Variants in BRI3BP observed in about 807,000 individuals in gnomAD.
The protein encoded by BRI3BP is BRI3-binding protein.
Under a neutral mutation model 15.8 loss-of-function variants are expected in BRI3BP, and 7 were observed. The ratio of observed to expected loss-of-function variants is 0.44; its 90% CI spans 0.25 to 0.83. The LOEUF is 0.83. Among genes scored for constraint, BRI3BP ranks in the 40% least tolerant of loss-of-function variants. BRI3BP has a pLI of 0.20. For synonymous variants in BRI3BP, 192 were observed against 163.5 expected (o/e 1.17, Z -1.33); for missense variants, 320 against 339.3 (o/e 0.94, Z 0.45).
Position 125,025,049 on chromosome 12 carries a change from G to C in BRI3BP, c.375G>C (p.Ala125=), listed in dbSNP as rs148877847. The C allele has an allele frequency of 1.9e-6, 3 of 1,613,348 alleles. No homozygotes were observed. Among genetic ancestry groups the C allele is most frequent in the Non-Finnish European group, 1.7e-6 (2 of 1,179,990 alleles). Residue 125 remains alanine, a synonymous_variant, in exon 3 of 3, where the codon GCG becomes GCC. Coordinates refer to ENST00000341446, the MANE Select transcript of BRI3BP (RefSeq NM_080626.6). ...CGGTGTCCAGCAGCCCGGCCCGCGC[G>C]CTCCTGCTGGTCGGCGTCGTCCTCC... is the stretch of plus-strand genomic sequence containing the variant. ...PASVSSSPAR[A]LLLVGVVLLA... is the part of the protein sequence containing the mutation.
chr12:125,015,884 C>T (rs1955238271), intron 2 of BRI3BP, among the ~76,000 whole-genome samples: 1 of 152,224 alleles, frequency 6.6e-6, no homozygotes, highest in East Asian at 1.9e-4. Context: ...GCACCCTCCC[C>T]CAGATGCAGC....
At chr12:125,044,438 C>T in the BRI3BP span, among the ~76,000 whole-genome samples, 10 of 148,198 alleles carry the variant, frequency 6.7e-5, no homozygotes, top group Admixed American at 7.0e-4. Context: ...TGTGAGTCAC[C>T]ATGCCCGGCC....
the BRI3BP span, among the ~76,000 whole-genome samples, chr12:125,047,522 AGTGCAGTG>A: frequency 3.4e-5 from 5 of 148,064 alleles, no homozygotes; most frequent in Admixed American, 2.7e-4. Context: ...CCCAGGCTGG[AGTGCAGTG>A]GTGCAGTGGT....
At chr12:125,013,893 T>C (rs1329103555) in intron 2 of BRI3BP, among the ~76,000 whole-genome samples, 29 of 151,920 alleles carry the variant, frequency 1.9e-4, no homozygotes, top group Admixed American at 1.9e-3. Context: ...GCAGCAACGG[T>C]CATGGTAACT....
chr12:124,993,705 C>A lies in BRI3BP; in HGVS notation c.-86C>A. 1.3e-6 allele frequency: 1 copy of A among 785,658 alleles called. No individual in the cohort carries two copies. The highest frequency in any genetic ancestry group is 1.5e-6 in the Non-Finnish European group (1 of 649,334). The allele number at this position is 785,658 out of a possible 1,614,324, so 48.7% of individuals were successfully genotyped here. ...AGGCGCGGCGCGCGGCCCCCGAGCGCGCCAACCTTGCCCTAGCCGGAGCCC... is the reference window on the plus strand; with the variant it reads ...AGGCGCGGCGCGCGGCCCCCGAGCGAGCCAACCTTGCCCTAGCCGGAGCCC... On this transcript the variant is annotated 5_prime_UTR_variant, in exon 1 of 3. Coordinates refer to ENST00000341446, the MANE Select transcript of BRI3BP (RefSeq NM_080626.6).
chr12:125,018,951 C>G (rs574535739), intron 2 of BRI3BP, among the ~76,000 whole-genome samples: 18 of 152,114 alleles, frequency 1.2e-4, no homozygotes, highest in African/African-American at 4.1e-4. Context: ...CTCCGCCTCC[C>G]GGGTTCAAGC....
At chr12:125,018,630 A>G (rs1594535802) in intron 2 of BRI3BP, among the ~76,000 whole-genome samples, 1 of 150,750 alleles carries the variant, frequency 6.6e-6, no homozygotes, top group African/African-American at 2.4e-5. Flanking sequence ...CTGTTCACAG[A>G]CTTCCAGCCT....
chr12:124,994,367 T>C lies in BRI3BP; in HGVS notation c.213+364T>C, dbSNP rs1165666511. Among the ~76,000 whole-genome samples, 4 of 152,230 alleles carry C rather than the reference T, an allele frequency of 2.6e-5. No homozygotes were observed. In the East Asian group the frequency reaches 7.7e-4, roughly 29 times the overall value. On this transcript the variant is annotated intron_variant, in intron 1 of 2. Transcript: ENST00000341446. The stretch of plus-strand genomic sequence containing the variant: ...TGTGAGCCAGGCAGCACACTGGCGC[T>C]CTCGGTCCCCACGCGGCTGCGCCCT...
chr12:125,003,144 G>T (rs1955110213), intron 1 of BRI3BP, among the ~76,000 whole-genome samples: 1 of 152,218 alleles, frequency 6.6e-6, no homozygotes, highest in Non-Finnish European at 1.5e-5. Context: ...TGCTTATCAA[G>T]ATGCCTTTGC....
intron 1 of BRI3BP, among the ~76,000 whole-genome samples, chr12:125,006,097 C>T (rs751530785): frequency 1.3e-5 from 2 of 152,028 alleles, no homozygotes; most frequent in Non-Finnish European, 1.5e-5. Context: ...CCAGTCGCAT[C>T]GGATTAGGGC....
chr12:124,998,059 C>A (rs551125240), intron 1 of BRI3BP, among the ~76,000 whole-genome samples: 1 of 151,292 alleles, frequency 6.6e-6, no homozygotes, highest in Admixed American at 6.6e-5. Context: ...GGGAGGCGGC[C>A]GTTGCAGTGA....
chr12:125,032,524 C>G (rs2136004613), downstream of BRI3BP, among the ~76,000 whole-genome samples: 1 of 152,098 alleles, frequency 6.6e-6, no homozygotes, highest in Middle Eastern at 3.4e-3. Flanking sequence ...CATCCCAGCA[C>G]TGGGAGGCCA....
intron 1 of BRI3BP, among the ~76,000 whole-genome samples, chr12:125,009,420 G>T (rs543433797): frequency 1.1e-3 from 161 of 149,994 alleles, no homozygotes; most frequent in Non-Finnish European, 1.9e-3. Context: ...CTCCCAAGTA[G>T]CTGGGATTAC....
the BRI3BP span, among the ~76,000 whole-genome samples, chr12:125,044,235 C>T: frequency 6.8e-3 from 1,030 of 152,098 alleles, 13 homozygotes; most frequent in African/African-American, 0.024. Flanking sequence ...TCACTGCAAC[C>T]GCCAGCTCCC....
chr12:125,019,635 C>CTTTTTTTTTTTTTTTTT (rs1205730966), intron 2 of BRI3BP, among the ~76,000 whole-genome samples: 1 of 33,056 alleles, frequency 3.0e-5, no homozygotes, highest in Non-Finnish European at 7.3e-5. Context: ...TAATTCCACC[C>CTTTTTTTTTTTTTTTTT]TTTTTTTTTT....
At chr12:125,002,506 G>C (rs544299343) in intron 1 of BRI3BP, among the ~76,000 whole-genome samples, 2 of 150,744 alleles carry the variant, frequency 1.3e-5, no homozygotes, top group African/African-American at 4.9e-5. Flanking sequence ...TGCCAGGCTG[G>C]AGTGCAGTGG....
rs1955343426 is a variant in BRI3BP, at chr12:125,025,354, T to TG, written c.682dup (p.Glu228GlyfsTer68). The TG allele has an allele frequency of 6.2e-7, 1 of 1,612,696 alleles. No individual in the cohort carries two copies. The highest frequency in any genetic ancestry group is 8.5e-7 in the Non-Finnish European group (1 of 1,179,628). On this transcript the variant is annotated frameshift_variant, in exon 3 of 3. Transcript: ENST00000341446. LOFTEE classifies it high-confidence loss of function. ...AGCGTGGAGGAGAAGCTGGAGCACC[T>TG]GGAGAAGCAGGTCAGACTGCTCAAC...
intron 1 of BRI3BP, among the ~76,000 whole-genome samples, chr12:125,009,629 G>GGT (rs752828235): frequency 0.16 from 20,934 of 132,978 alleles, 1,535 homozygotes; most frequent in Admixed American, 0.19. Flanking sequence ...TGGGGGGGGG[G>GGT]TCTCATTTTG....
rs1955389180 is a variant in BRI3BP, at chr12:125,029,478, A to T, written c.*4048A>T. On this transcript the variant is annotated 3_prime_UTR_variant, in exon 3 of 3. Coordinates refer to ENST00000341446, the MANE Select transcript of BRI3BP (RefSeq NM_080626.6). ...ACCTGGGAGGCAGAGGTTGCAGTGA[A>T]CTGAGATCACACCACTGTACTCCAG... The T allele has an allele frequency of 1.3e-5, 2 of 149,972 alleles. No individual in the cohort carries two copies. Among genetic ancestry groups the T allele is most frequent in the South Asian group, 2.1e-4 (1 of 4,696 alleles). 9.3% of individuals were successfully genotyped at this position (149,972 alleles called of 1,614,324 possible). A position where few individuals can be genotyped will look rare whatever the true frequency, so the allele number is the denominator to read the frequency against.
Sources: gnomAD v4.1 joint callset for allele counts (sites outside exome capture counted in the v4.1 genomes callset) on GRCh38, gnomAD v4.1.1 for gene constraint, MANE v1.5 for transcripts, NCBI Gene and HGNC (gene_info 2026-07-23, HGNC 2026-07-21) for gene names.